TANGO6: variants seen among roughly 807,000 people sequenced by gnomAD.
TANGO6 encodes the protein transport and golgi organization 6 homolog.
TANGO6 carries 90 observed loss-of-function variants against 114.2 expected under a neutral mutation model. That is an observed-to-expected ratio of 0.79 (90% CI 0.66 to 0.94). TANGO6 has a LOEUF of 0.94. TANGO6 is among the 40% of genes least tolerant of loss of function. The pLI, the probability that TANGO6 is intolerant of heterozygous loss-of-function variation, is 0.00. For missense variants in TANGO6, 1,274 were observed against 1,315.3 expected (o/e 0.97, Z 0.49); for synonymous variants, 477 against 509.8 (o/e 0.94, Z 0.87).
At chr16:68,969,071 T>G (rs1271875113) in intron 14 of TANGO6, among the ~76,000 whole-genome samples, 1 of 152,194 alleles carries the variant, frequency 6.6e-6, no homozygotes, top group Non-Finnish European at 1.5e-5. Context: ...TTGGATTCAC[T>G]TTTACCTTCT....
chr16:69,064,914 G>A (rs550029130), intron 17 of TANGO6, among the ~76,000 whole-genome samples: 16 of 152,168 alleles, frequency 1.1e-4, no homozygotes, highest in Non-Finnish European at 2.1e-4. Flanking sequence ...CCTCAGCGGG[G>A]TGTCTGCATG....
At chr16:69,071,861 G>A (rs1960299852) in intron 17 of TANGO6, among the ~76,000 whole-genome samples, 1 of 152,238 alleles carries the variant, frequency 6.6e-6, no homozygotes, top group African/African-American at 2.4e-5. Context: ...GTGTGCCCAA[G>A]GCAGTCTTTT....
intron 17 of TANGO6, among the ~76,000 whole-genome samples, chr16:69,054,135 G>C (rs904769463): frequency 2.6e-5 from 4 of 152,202 alleles, no homozygotes; most frequent in East Asian, 3.8e-4. Flanking sequence ...CGGAAGATGA[G>C]TGGAAAGAGA....
chr16:69,069,897 G>T (rs1297568551), intron 17 of TANGO6, among the ~76,000 whole-genome samples: 8 of 152,132 alleles, frequency 5.3e-5, no homozygotes, highest in African/African-American at 1.9e-4. Context: ...CAAAGTAAAA[G>T]CAAGTTTATT....
chr16:68,846,475 T>C (rs1251379859), intron 1 of TANGO6: 1 of 327,074 alleles, frequency 3.1e-6, no homozygotes, highest in African/African-American at 2.3e-5. Flanking sequence ...TTCAAATAAT[T>C]ATGTACATTC....
In TANGO6 at chr16:68,889,272, C is replaced by A. The variant is rs376994463; in HGVS notation, c.1377+8642C>A. 4.4e-4 allele frequency among the ~76,000 whole-genome samples: 67 copies of A among 152,274 alleles called. No homozygotes were observed. In the South Asian group the frequency reaches 0.014, roughly 32 times the overall value. Reference sequence around the variant, plus strand: ...TAATGCCTCAGTATCATCCAAAGTCCGTAGTTTACATTGGGATTCACTGTT... The same window carrying A: ...TAATGCCTCAGTATCATCCAAAGTCAGTAGTTTACATTGGGATTCACTGTT... On this transcript the variant is annotated intron_variant, in intron 7 of 17. Coordinates refer to ENST00000261778, the MANE Select transcript of TANGO6 (RefSeq NM_024562.2).
chr16:68,921,893 C>T (rs766205534), intron 12 of TANGO6, among the ~76,000 whole-genome samples: 63 of 151,962 alleles, frequency 4.1e-4, no homozygotes, highest in Admixed American at 1.6e-3. Context: ...CACGTCACCC[C>T]CTATACCTTT....
At position 69,045,611 on chromosome 16, in the gene TANGO6, T is replaced by C. The variant is rs530465023; in HGVS notation, c.3108+5190T>C. On this transcript the variant is annotated intron_variant, in intron 17 of 17. Transcript: ENST00000261778. ...ACAAAAAATTAGCTGGGTGTGGTGG[T>C]AGGCGCCTGTAATCCCAGCTACTCA... Among the ~76,000 whole-genome samples, 72 of 143,738 alleles carry C rather than the reference T, an allele frequency of 5.0e-4. No individual in the cohort carries two copies. The East Asian group carries it at 0.013, about 25-fold the overall frequency. 94.3% of individuals were successfully genotyped at this position (143,738 alleles called of 152,430 possible). A position where few individuals can be genotyped will look rare whatever the true frequency, so the allele number is the denominator to read the frequency against.
chr16:68,905,786 T>G (rs1386096425), intron 9 of TANGO6, among the ~76,000 whole-genome samples: 1 of 151,656 alleles, frequency 6.6e-6, no homozygotes, highest in Non-Finnish European at 1.5e-5. Context: ...AGTGGGAGGA[T>G]TGCCTCAGAC....
At chr16:69,054,155 G>GTC (rs1471314332) in intron 17 of TANGO6, among the ~76,000 whole-genome samples, 2 of 152,160 alleles carry the variant, frequency 1.3e-5, no homozygotes, top group African/African-American at 2.4e-5. Context: ...AAGGATGGAG[G>GTC]TCTCACCATT....
intron 4 of TANGO6, chr16:68,867,609 GC>G: frequency 6.0e-6 from 1 of 165,552 alleles, no homozygotes; most frequent in Non-Finnish European, 1.3e-5. Flanking sequence ...GGAGGCCAAA[GC>G]AGGTGGATCA....
chr16:68,875,037 C>A, intron 4 of TANGO6, 117 bp from the exon 5 acceptor site: 1 of 1,105,000 alleles, frequency 9.0e-7, no homozygotes, highest in Non-Finnish European at 1.2e-6. Flanking sequence ...AAAAAATAAA[C>A]TATTTTCAAT....
chr16:68,902,133 T>C (rs1292616228), intron 8 of TANGO6, among the ~76,000 whole-genome samples, 195 bp from the exon 9 acceptor site: 2 of 152,176 alleles, frequency 1.3e-5, no homozygotes, highest in Non-Finnish European at 2.9e-5. Context: ...CAGTCACTCA[T>C]TGAATTTCAG....
At position 69,032,530 on chromosome 16, in the gene TANGO6, A is replaced by C. The variant is rs531373534; in HGVS notation, c.2995-7778A>C. ...CAACCCACCCGCCTCAGCCTCCCAA[A>C]GTGCTAGGATTACAGGTATGAGCCA... On this transcript the variant is annotated intron_variant, in intron 16 of 17. Transcript: ENST00000261778. Among the ~76,000 whole-genome samples the C allele has an allele frequency of 2.3e-4, 35 of 152,102 alleles. 1 individual carries two copies. In the South Asian group the frequency reaches 6.6e-3, roughly 29 times the overall value.
intron 17 of TANGO6, among the ~76,000 whole-genome samples, chr16:69,049,012 T>C (rs1024748149): frequency 6.6e-6 from 1 of 152,172 alleles, no homozygotes. Flanking sequence ...ATGAGTGTGC[T>C]CTCTTCGTCA....
intron 12 of TANGO6, among the ~76,000 whole-genome samples, chr16:68,924,713 G>A (rs904247001): frequency 6.6e-6 from 1 of 150,522 alleles, no homozygotes; most frequent in African/African-American, 2.5e-5. Flanking sequence ...TCGCTTGAAC[G>A]TGGGAGGCGG....
At chr16:68,962,565 A>G (rs1349106139) in intron 14 of TANGO6, among the ~76,000 whole-genome samples, 1 of 152,184 alleles carries the variant, frequency 6.6e-6, no homozygotes, top group Non-Finnish European at 1.5e-5. Context: ...CGGGAATTCA[A>G]GACCTGACCA....
intron 17 of TANGO6, among the ~76,000 whole-genome samples, chr16:69,066,840 G>C (rs555801792): frequency 1.3e-5 from 2 of 152,178 alleles, no homozygotes; most frequent in South Asian, 4.2e-4. Flanking sequence ...ATTGCTTGAG[G>C]CCAGGAGTTT....
At position 68,860,224 on chromosome 16, in the gene TANGO6, C is replaced by T. The variant is rs756550880; in HGVS notation, c.435C>T (p.Val145=). ...TTAGTATCTCACAACAGAAGACTGTCCAGTTCGTTTTGCAGTTTGTAGTTA... is the reference window on the plus strand; with the variant it reads ...TTAGTATCTCACAACAGAAGACTGTTCAGTTCGTTTTGCAGTTTGTAGTTA... The part of the protein sequence containing the change: ...DALSISQQKT[V]QFVLQFVVTL... The change falls in exon 2 of 18, where the codon GTC becomes GTT. Residue 145 remains valine, a synonymous_variant. Transcript: ENST00000261778. The T allele has an allele frequency of 6.2e-7, 1 of 1,614,002 alleles. No individual in the cohort carries two copies. The highest frequency in any genetic ancestry group is 8.5e-7 in the Non-Finnish European group (1 of 1,179,898).
Sources: gnomAD v4.1 joint callset for allele counts (sites outside exome capture counted in the v4.1 genomes callset) on GRCh38, gnomAD v4.1.1 for gene constraint, MANE v1.5 for transcripts, NCBI Gene and HGNC (gene_info 2026-07-23, HGNC 2026-07-21) for gene names.